The following GNA13 variants were observed in gnomAD, a reference collection of about 807,000 sequenced individuals.
GNA13 encodes the protein guanine nucleotide-binding protein subunit alpha-13.
In GNA13, 4 loss-of-function variants were observed where a neutral mutation model predicts 33.5. That is an observed-to-expected ratio of 0.12 (90% CI 0.06 to 0.27). GNA13 has a LOEUF of 0.27. Ranked by LOEUF, GNA13 falls within the 10% of genes least tolerant of loss-of-function variation. The pLI is 1.00. For synonymous variants in GNA13, 176 were observed against 183.8 expected (o/e 0.96, Z 0.34); for missense variants, 319 against 487.2 (o/e 0.65, Z 3.25).
chr17:65,028,308 T>G (rs1200124448), intron 2 of GNA13, among the ~76,000 whole-genome samples: 1 of 149,898 alleles, frequency 6.7e-6, no homozygotes, highest in Non-Finnish European at 1.5e-5. Flanking sequence ...GGGAGGGAGG[T>G]TGAGGCAGGA....
At chr17:65,018,775 A>C (rs1018810242) in intron 2 of GNA13, among the ~76,000 whole-genome samples, 1 of 152,168 alleles carries the variant, frequency 6.6e-6, no homozygotes, top group African/African-American at 2.4e-5. Flanking sequence ...CCCCAACCAC[A>C]GGCATGGACA....
chr17:65,025,639 T>C (rs1906750837), intron 2 of GNA13, among the ~76,000 whole-genome samples: 1 of 152,140 alleles, frequency 6.6e-6, no homozygotes, highest in Non-Finnish European at 1.5e-5. Context: ...AATAGACACC[T>C]AAACATTGCA....
Position 65,014,539 on chromosome 17 carries a change from G to A in GNA13, c.852C>T (p.Val284=). ...TCTTGTTTAAGAACAGAATTATGGA[G>A]ACATTGCTGAAAACCCGGTTATTGA... is the stretch of plus-strand genomic sequence containing the variant. ...TIVNNRVFSN[V]SIILFLNKTD... The change falls in exon 4 of 4, where the codon GTC becomes GTT. Residue 284 remains valine, a synonymous_variant. Coordinates refer to ENST00000439174, the MANE Select transcript of GNA13 (RefSeq NM_006572.6). This position sits in a 1 kb window ranked among gnomAD's most constrained non-coding sequence, Gnocchi z 5.3. 6.2e-7 allele frequency: 1 copy of A among 1,614,088 alleles called. No homozygotes were observed. The highest frequency in any genetic ancestry group is 8.5e-7 in the Non-Finnish European group (1 of 1,179,950).
At chr17:65,047,973 A>T (rs1907726012) in intron 2 of GNA13, among the ~76,000 whole-genome samples, 1 of 152,222 alleles carries the variant, frequency 6.6e-6, no homozygotes, top group Non-Finnish European at 1.5e-5. Flanking sequence ...ACACTATCTT[A>T]TCGGCTTCAA....
At chr17:65,055,769 C>T in intron 1 of GNA13, 2 of 985,434 alleles carry the variant, frequency 2.0e-6, no homozygotes, top group Non-Finnish European at 2.4e-6. Context: ...AAAAAGTTCC[C>T]TTATTGCGAC....
At chr17:65,034,051 A>G (rs532640279) in intron 2 of GNA13, among the ~76,000 whole-genome samples, 1 of 151,288 alleles carries the variant, frequency 6.6e-6, no homozygotes, top group Non-Finnish European at 1.5e-5. Context: ...CAAAAGAACC[A>G]AAATTAGTCA....
intron 2 of GNA13, among the ~76,000 whole-genome samples, chr17:65,030,409 T>C (rs943845396): frequency 6.6e-5 from 10 of 152,264 alleles, no homozygotes; most frequent in Admixed American, 5.9e-4. Context: ...GTATATGTTC[T>C]AATGATTAAT....
chr17:65,034,012 C>CAAA (rs780895691), intron 2 of GNA13, among the ~76,000 whole-genome samples: 27,715 of 50,010 alleles, frequency 0.55, 10,886 homozygotes, highest in East Asian at 0.71. Flanking sequence ...GACTCCGTCT[C>CAAA]AAAAAAAAAA....
At chr17:65,054,639 T>G (rs539907038) in intron 1 of GNA13, among the ~76,000 whole-genome samples, 108 of 152,300 alleles carry the variant, frequency 7.1e-4, no homozygotes, top group South Asian at 6.2e-3. Context: ...TCAAATTTCA[T>G]GTCAACTTGA....
intron 1 of GNA13, 67 bp downstream of exon 1, chr17:65,056,244 G>GCCCCCCCCCCCCCCCCCCCCCCCCCCC: frequency 5.8e-6 from 6 of 1,032,474 alleles, no homozygotes; most frequent in Admixed American, 2.2e-5. Flanking sequence ...GCGGTGCCCC[G>GCCCCCCCCCCCCCCCCCCCCCCCCCCC]CCCCGCACCC....
chr17:65,027,358 G>A (rs1225265121), intron 2 of GNA13, among the ~76,000 whole-genome samples: 1 of 141,964 alleles, frequency 7.0e-6, no homozygotes, highest in African/African-American at 2.6e-5. Flanking sequence ...ATGTTTCCCA[G>A]GCTGGTCTCA....
At chr17:65,054,135 C>A (rs1032545308) in intron 1 of GNA13, among the ~76,000 whole-genome samples, 1 of 152,204 alleles carries the variant, frequency 6.6e-6, no homozygotes, top group African/African-American at 2.4e-5. Flanking sequence ...AAAAGATGTT[C>A]ATTTATGAAA....
At chr17:65,019,351 G>A (rs1023658533) in intron 2 of GNA13, among the ~76,000 whole-genome samples, 2 of 152,056 alleles carry the variant, frequency 1.3e-5, no homozygotes, top group Non-Finnish European at 2.9e-5. Context: ...ATATGGAGGA[G>A]AGAGATATCT....
chr17:65,038,235 T>G (rs1292008744), intron 2 of GNA13, among the ~76,000 whole-genome samples: 1 of 152,098 alleles, frequency 6.6e-6, no homozygotes, highest in Non-Finnish European at 1.5e-5. Flanking sequence ...AAACCCTGTC[T>G]CTACTAAAAA....
At chr17:65,055,958 G>C (rs555098143) in intron 1 of GNA13, among the ~76,000 whole-genome samples, 35 of 152,292 alleles carry the variant, frequency 2.3e-4, no homozygotes, top group African/African-American at 7.7e-4. Context: ...CATCCGCAGC[G>C]GGGAGGACAG....
Position 65,010,104 on chromosome 17 carries a change from C to T in GNA13, c.*4153G>A, listed in dbSNP as rs1906132927. Reference sequence around the variant, plus strand: ...TCATTCATGCTTTCAAAACAATGTTCATATAAGCTCTCGCATTTGAAACCA... The same window carrying T: ...TCATTCATGCTTTCAAAACAATGTTTATATAAGCTCTCGCATTTGAAACCA... On this transcript the variant is annotated 3_prime_UTR_variant, in exon 4 of 4. Transcript: ENST00000439174. Among the ~76,000 whole-genome samples, 1 of 152,194 alleles carries T rather than the reference C, an allele frequency of 6.6e-6. No individual in the cohort carries two copies. The highest frequency in any genetic ancestry group is 2.4e-5 in the African/African-American group (1 of 41,434).
rs1278568436 is a variant in GNA13, at chr17:65,053,669, T to C, written c.343A>G (p.Asn115Asp). Residue 115 changes from asparagine to aspartate, a missense_variant, in exon 2 of 4, where the codon AAC (asparagine) becomes GAC (aspartate). Physicochemically the swap from Asn to Asp is conservative, Grantham distance 23 (BLOSUM62 1). Coordinates refer to ENST00000439174, the MANE Select transcript of GNA13 (RefSeq NM_006572.6). The stretch of plus-strand genomic sequence containing the variant: ...ATCATCTTATCTCCATGTTGTTGGT[T>C]TGAGTTGTCTCCCCAGGGAATATGA... ...KLHIPWGDNSNQQHGDKMMSF... is the reference protein window; with the variant it reads ...KLHIPWGDNSDQQHGDKMMSF... The C allele has an allele frequency of 6.2e-7, 1 of 1,614,146 alleles. No individual in the cohort carries two copies. The highest frequency in any genetic ancestry group is 8.5e-7 in the Non-Finnish European group (1 of 1,179,974).
At chr17:65,047,411 A>G (rs979046415) in intron 2 of GNA13, among the ~76,000 whole-genome samples, 1 of 152,184 alleles carries the variant, frequency 6.6e-6, no homozygotes, top group African/African-American at 2.4e-5. Flanking sequence ...ATAAAGTAAG[A>G]TAAAAACCTC....
chr17:65,056,090 G>A (rs1908042454), intron 1 of GNA13, among the ~76,000 whole-genome samples: 1 of 151,866 alleles, frequency 6.6e-6, no homozygotes, highest in Non-Finnish European at 1.5e-5. Flanking sequence ...GGAGACAAGC[G>A]GGAGAGCAGG....
Sources: gnomAD v4.1 joint callset for allele counts (sites outside exome capture counted in the v4.1 genomes callset) on GRCh38, gnomAD v4.1.1 for gene constraint, Gnocchi (gnomAD v3.1) non-coding constraint, MANE v1.5 for transcripts, NCBI Gene and HGNC (gene_info 2026-07-23, HGNC 2026-07-21) for gene names.